The following GMDS variants were observed in gnomAD, a reference collection of about 807,000 sequenced individuals.
The protein encoded by GMDS is GDP-mannose 4,6-dehydratase.
Under a neutral mutation model 49.9 loss-of-function variants are expected in GMDS, and 20 were observed. That is an observed-to-expected ratio of 0.40 (90% confidence interval 0.28 to 0.58). GMDS has a LOEUF of 0.58. GMDS is among the 20% of genes least tolerant of loss of function. The pLI is 0.42. For synonymous variants in GMDS, 177 were observed against 178.6 expected, an observed-to-expected ratio of 0.99 and a Z score of 0.07; for missense variants, 362 against 481.4, an observed-to-expected ratio of 0.75 and a Z score of 2.32.
chr6:1,860,717 C>T (rs1195689146), intron 7 of GMDS, among the ~76,000 whole-genome samples: 5 of 152,140 alleles, frequency 3.3e-5, no homozygotes, highest in Non-Finnish European at 7.3e-5. Context: ...CATTGTCAAC[C>T]GTGAAGAAGA....
intron 4 of GMDS, among the ~76,000 whole-genome samples, chr6:2,079,448 A>G (rs774696671): frequency 2.6e-5 from 4 of 152,026 alleles, no homozygotes; most frequent in Non-Finnish European, 5.9e-5. Flanking sequence ...TTGCTTTATT[A>G]GCAGGTTTTA....
chr6:2,201,147 A>AAC (rs1779511460), intron 1 of GMDS, among the ~76,000 whole-genome samples: 1 of 131,210 alleles, frequency 7.6e-6, no homozygotes, highest in Non-Finnish European at 1.6e-5. Flanking sequence ...ATCCGAGATG[A>AAC]AACCATCTAG....
intron 4 of GMDS, among the ~76,000 whole-genome samples, chr6:2,076,376 C>T (rs897811458): frequency 1.1e-4 from 17 of 151,416 alleles, no homozygotes; most frequent in African/African-American, 3.9e-4. Flanking sequence ...ATCAAGCTAC[C>T]AATGACTTTC....
At chr6:1,643,419 C>A (rs1763393637) in intron 9 of GMDS, among the ~76,000 whole-genome samples, 1 of 152,230 alleles carries the variant, frequency 6.6e-6, no homozygotes, top group Non-Finnish European at 1.5e-5. Flanking sequence ...CTGTGCTCAT[C>A]TCCAGGTGGC....
At chr6:2,010,960 C>G (rs745538184) in intron 4 of GMDS, among the ~76,000 whole-genome samples, 4 of 151,880 alleles carry the variant, frequency 2.6e-5, no homozygotes, top group Non-Finnish European at 5.9e-5. Context: ...ATTACAAAAT[C>G]TAGAGAAATT....
intron 7 of GMDS, among the ~76,000 whole-genome samples, chr6:1,914,229 G>A (rs539374718): frequency 6.4e-4 from 95 of 149,218 alleles, no homozygotes; most frequent in Non-Finnish European, 1.0e-3. Context: ...GGCTGAGGCC[G>A]GGGTATCATG....
intron 4 of GMDS, among the ~76,000 whole-genome samples, chr6:2,071,473 C>T (rs145827234): frequency 6.6e-6 from 1 of 151,960 alleles, no homozygotes; most frequent in Non-Finnish European, 1.5e-5. Context: ...AGAACAAAGA[C>T]AATGCTGTAC....
chr6:1,758,269 C>T (rs1472473884), intron 7 of GMDS, among the ~76,000 whole-genome samples: 2 of 152,222 alleles, frequency 1.3e-5, no homozygotes, highest in African/African-American at 4.8e-5. Context: ...TCATTATCTC[C>T]ACCTCCTGAC....
intron 1 of GMDS, among the ~76,000 whole-genome samples, chr6:2,216,550 A>C (rs1780343708): frequency 6.6e-6 from 1 of 152,198 alleles, no homozygotes; most frequent in Non-Finnish European, 1.5e-5. Flanking sequence ...CTTTGTGGGA[A>C]AGAGCCTGAC....
At chr6:1,649,032 T>C (rs962833006) in intron 9 of GMDS, among the ~76,000 whole-genome samples, 3 of 152,362 alleles carry the variant, frequency 2.0e-5, no homozygotes, top group Admixed American at 1.3e-4. Flanking sequence ...ACAACTCTTA[T>C]TTTTAAAAAG....
chr6:1,672,169 C>T (rs1017257444), intron 9 of GMDS, among the ~76,000 whole-genome samples: 7 of 152,180 alleles, frequency 4.6e-5, no homozygotes, highest in South Asian at 2.1e-4. Flanking sequence ...GCTTCAGAGA[C>T]GACGACTGTG....
intron 8 of GMDS, among the ~76,000 whole-genome samples, chr6:1,735,457 T>C (rs1475859324): frequency 6.6e-6 from 1 of 152,116 alleles, no homozygotes; most frequent in African/African-American, 2.4e-5. Flanking sequence ...ACAGACTAGG[T>C]GGAGGCAGGG....
rs369683104 is a variant in GMDS at position 2,143,356 on chromosome 6, C to T, written c.103-18625G>A. On this transcript the variant is annotated intron_variant, in intron 1 of 10. Coordinates refer to ENST00000380815, the MANE Select transcript of GMDS (RefSeq NM_001500.4). Reference sequence around the variant, plus strand: ...TCTCTGCAGAGCCACACGGGCTCTCCTTTCCCCTACAGAACTTCTCAGACT... The same window carrying T: ...TCTCTGCAGAGCCACACGGGCTCTCTTTTCCCCTACAGAACTTCTCAGACT... Among the ~76,000 whole-genome samples the T allele has an allele frequency of 4.0e-3, 611 of 152,294 alleles. 1 individual carries two copies. The highest frequency in any genetic ancestry group is 0.017 in the Middle Eastern group (5 of 294).
intron 7 of GMDS, among the ~76,000 whole-genome samples, chr6:1,914,366 C>G (rs1761260805): frequency 6.6e-6 from 1 of 150,612 alleles, no homozygotes; most frequent in Admixed American, 6.6e-5. Flanking sequence ...GTAGAATCCT[C>G]CAGTTGAGGA....
chr6:2,034,024 T>C (rs1769134109), intron 4 of GMDS, among the ~76,000 whole-genome samples: 1 of 152,204 alleles, frequency 6.6e-6, no homozygotes, highest in Non-Finnish European at 1.5e-5. Flanking sequence ...TTTAGTCACA[T>C]GATTTCTAAC....
Position 1,766,678 on chromosome 6 carries a change from G to A in GMDS, c.772-24092C>T, listed in dbSNP as rs868025235. Among the ~76,000 whole-genome samples, 17 of 152,154 alleles carry A rather than the reference G, an allele frequency of 1.1e-4. No individual in the cohort carries two copies. The highest frequency in any genetic ancestry group is 4.1e-4 in the African/African-American group (17 of 41,430). ...TTCTAGAAGGCCCAGCAAGCGCCCCGTTTCCCACAGACGGTTCCCACCTGG... is the reference window on the plus strand; with the variant it reads ...TTCTAGAAGGCCCAGCAAGCGCCCCATTTCCCACAGACGGTTCCCACCTGG... On this transcript the variant is annotated intron_variant, in intron 7 of 10. Transcript: ENST00000380815. This position sits in a 1 kb window ranked among gnomAD's most constrained non-coding sequence, Gnocchi z 4.5.
chr6:2,093,210 G>A (rs1271518228), intron 4 of GMDS, among the ~76,000 whole-genome samples: 2 of 152,078 alleles, frequency 1.3e-5, no homozygotes, highest in Non-Finnish European at 2.9e-5. Context: ...TGAGTTTTGA[G>A]AAATCTCTAC....
At chr6:2,080,290 G>A (rs561796390) in intron 4 of GMDS, among the ~76,000 whole-genome samples, 3 of 152,206 alleles carry the variant, frequency 2.0e-5, no homozygotes, top group Admixed American at 2.0e-4. Context: ...TCAAGAATGT[G>A]AATTATTTGT....
chr6:1,877,996 T>C (rs1759161094), intron 7 of GMDS, among the ~76,000 whole-genome samples: 1 of 152,124 alleles, frequency 6.6e-6, no homozygotes, highest in African/African-American at 2.4e-5. Context: ...ATGTAACATA[T>C]AACTGTATGT....
Sources: allele counts gnomAD v4.1 joint callset (sites outside exome capture counted in the v4.1 genomes callset), GRCh38; gene constraint gnomAD v4.1.1; non-coding constraint Gnocchi (gnomAD v3.1); transcripts MANE v1.5; gene names NCBI Gene and HGNC (gene_info 2026-07-23, HGNC 2026-07-21).